Variants in MAP3K11 observed in about 807,000 individuals in gnomAD.
MAP3K11 encodes mitogen-activated protein kinase kinase kinase 11.
In MAP3K11, 46 loss-of-function variants were observed where a neutral mutation model predicts 84.9. The observed-to-expected ratio is 0.54, with a 90% CI of 0.43 to 0.69. MAP3K11 has a LOEUF of 0.69. MAP3K11 is among the 30% of genes least tolerant of loss of function. The probability of loss-of-function intolerance (pLI) is 0.00; values close to 1 mark genes in which losing one functional copy is unlikely to be tolerated. For missense variants in MAP3K11, 1,053 were observed against 1,198.3 expected, an observed-to-expected ratio of 0.88 and a Z score of 1.79; for synonymous variants, 527 against 514.7, an observed-to-expected ratio of 1.02 and a Z score of -0.32.
At chr11:65,607,071 A>T (rs1854517893) in intron 5 of MAP3K11, 199 bp downstream of exon 5, 3 of 798,314 alleles carry the variant, frequency 3.8e-6, no homozygotes, top group South Asian at 4.2e-5. Context: ...TCCCACTCCC[A>T]GACCGACATG....
At position 65,607,306 on chromosome 11, in the gene MAP3K11, C is replaced by A; in HGVS notation, c.1453G>T (p.Ala485Ser). 6.6e-7 allele frequency: 1 copy of A among 1,523,202 alleles called. No homozygotes were observed. Among genetic ancestry groups the A allele is most frequent in the Non-Finnish European group, 8.7e-7 (1 of 1,144,552 alleles). 94.4% of individuals were successfully genotyped at this position (1,523,202 alleles called of 1,614,324 possible). The change falls in exon 5 of 10, where the codon GCG becomes TCG. Residue 485 changes from alanine (A) to serine (S), a missense_variant. Around this residue, in one of 3 missense-constraint regions of MAP3K11, gnomAD observed 583 missense variants for 566.6 expected, o/e 1.03. Transcript: ENST00000309100. The stretch of plus-strand genomic sequence containing the variant: ...CTGATACGCTCGCCGCCGTCGCGCG[C>A]CCGGAGCTTGCTGCGCTTGAATGTC... ...RGTFKRSKLR[A>S]RDGGERISMP...
Position 65,608,432 on chromosome 11 carries a change from G to A in MAP3K11, c.756C>T (p.Pro252=), listed in dbSNP as rs1854538023. 6.2e-7 allele frequency: 1 copy of A among 1,614,024 alleles called. No individual in the cohort carries two copies. The highest frequency in any genetic ancestry group is 8.5e-7 in the Non-Finnish European group (1 of 1,180,018). Residue 252 remains proline, a synonymous_variant, in exon 2 of 10, where the codon CCC becomes CCT. Coordinates refer to ENST00000309100, the MANE Select transcript of MAP3K11 (RefSeq NM_002419.4). ...LKSNNILLLQ[P]IESDDMEHKT... ...TGTGCTCCATGTCGTCACTCTCAAT[G>A]GGCTGCAGCAGCAAAACTAGAGAAG...
intron 5 of MAP3K11, 180 bp downstream of exon 5, chr11:65,607,090 T>C (rs936205321): frequency 1.1e-6 from 1 of 911,520 alleles, no homozygotes; most frequent in African/African-American, 1.8e-5. Context: ...TGCAAATACT[T>C]CCGCCAGAAC....
At chr11:65,606,661 G>A in intron 6 of MAP3K11, 30 bp downstream of exon 6, 2 of 1,478,162 alleles carry the variant, frequency 1.4e-6, no homozygotes, top group Non-Finnish European at 1.9e-6. Flanking sequence ...CTGGGGGGCG[G>A]AGAGGGGCAT....
chr11:65,602,079 T>C (rs1854461972), intron 8 of MAP3K11, among the ~76,000 whole-genome samples: 1 of 151,186 alleles, frequency 6.6e-6, no homozygotes, highest in Non-Finnish European at 1.5e-5. Flanking sequence ...GGCACGCACC[T>C]GTAGTCTCAG....
At chr11:65,608,474 A>C (rs748274081) in intron 1 of MAP3K11, 26 bp from the exon 2 acceptor site, 2 of 1,611,456 alleles carry the variant, frequency 1.2e-6, no homozygotes, top group South Asian at 2.2e-5. Flanking sequence ...CAGATTGTGG[A>C]TGCTCCAGGA....
At chr11:65,612,696 T>C (rs1325141612) in intron 1 of MAP3K11, 1 of 268,848 alleles carries the variant, frequency 3.7e-6, no homozygotes, top group East Asian at 6.5e-5. Context: ...GAGCACGAGC[T>C]TCCAGAGGAC....
rs1175592890 is a variant in MAP3K11 at position 65,607,306 on chromosome 11, C to G, written c.1453G>C (p.Ala485Pro). The G allele has an allele frequency of 1.3e-6, 2 of 1,523,092 alleles. No homozygotes were observed. The highest frequency in any genetic ancestry group is 2.8e-5 in the African/African-American group (2 of 70,232). 94.3% of individuals were successfully genotyped at this position (1,523,092 alleles called of 1,614,324 possible). The change falls in exon 5 of 10, where the codon GCG (alanine) becomes CCG (proline). Residue 485 changes from alanine to proline, a missense_variant. This residue lies in a region of MAP3K11 where 583 missense variants were observed against 566.6 expected (regional missense o/e 1.03). Transcript: ENST00000309100. ...RGTFKRSKLR[A>P]RDGGERISMP... ...CTGATACGCTCGCCGCCGTCGCGCG[C>G]CCGGAGCTTGCTGCGCTTGAATGTC...
At chr11:65,600,921 A>G (rs1854448544) in intron 8 of MAP3K11, among the ~76,000 whole-genome samples, 1 of 152,218 alleles carries the variant, frequency 6.6e-6, no homozygotes, top group East Asian at 1.9e-4. Flanking sequence ...CCCTTCTGTC[A>G]GCCCCAACCC....
rs199933724 is a variant in MAP3K11, at chr11:65,613,693, C to T, written c.64G>A (p.Gly22Arg). 1.0e-4 allele frequency: 161 copies of T among 1,608,854 alleles called. 1 individual carries two copies. The highest frequency in any genetic ancestry group is 8.7e-4 in the South Asian group (79 of 90,634). The change falls in exon 1 of 10, where the codon GGG becomes AGG. Residue 22 changes from glycine (G) to arginine (R), a missense_variant. By Grantham distance (125) the Gly-to-Arg change is moderately radical. This residue lies in a region of MAP3K11 where 160 missense variants were observed against 167.3 expected (regional missense o/e 0.96). Coordinates refer to ENST00000309100, the MANE Select transcript of MAP3K11 (RefSeq NM_002419.4). Reference sequence around the variant, plus strand: ...CCTCCTCCACCGCCCCCACCACCCCCGCTGCCACTGCCATTCCATGACCCT... The same window carrying T: ...CCTCCTCCACCGCCCCCACCACCCCTGCTGCCACTGCCATTCCATGACCCT... ...PLGSWNGSGS[G>R]GGGGGGGGRP...
intron 8 of MAP3K11, among the ~76,000 whole-genome samples, chr11:65,602,803 TAA>T (rs554655454): frequency 2.1e-5 from 3 of 141,708 alleles, no homozygotes; most frequent in Non-Finnish European, 3.1e-5. Flanking sequence ...AGACTCCTTC[TAA>T]AAAAAAAAAA....
chr11:65,610,656 CCTT>C (rs747325171), intron 1 of MAP3K11: 6 of 152,280 alleles, frequency 3.9e-5, no homozygotes, highest in Non-Finnish European at 7.3e-5. Context: ...CCCACCTTCC[CCTT>C]TGAAGACCAA....
At position 65,598,181 on chromosome 11, in the gene MAP3K11, G is replaced by A; in HGVS notation, c.*110C>T. On this transcript the variant is annotated 3_prime_UTR_variant, in exon 10 of 10. Transcript: ENST00000309100. ...TGTTCCTGACCCCCAAAGGGGGGTG[G>A]GGTCCCTGGGGAAACTGAGGCAGCT... is the stretch of plus-strand genomic sequence containing the variant. The A allele has an allele frequency of 1.1e-6, 1 of 924,700 alleles. No individual in the cohort carries two copies. The highest frequency in any genetic ancestry group is 3.6e-5 in the Admixed American group (1 of 27,718). 57.3% of individuals were successfully genotyped at this position (924,700 alleles called of 1,614,324 possible).
At chr11:65,606,650 GC>G in intron 6 of MAP3K11, 40 bp downstream of exon 6, 1 of 1,410,972 alleles carries the variant, frequency 7.1e-7, no homozygotes, top group Non-Finnish European at 9.8e-7. Context: ...AGAATAAGGA[GC>G]TGGGGGGCGG....
At chr11:65,607,231 C>T in intron 5 of MAP3K11, 39 bp downstream of exon 5, 1 of 1,449,098 alleles carries the variant, frequency 6.9e-7, no homozygotes, top group Non-Finnish European at 9.0e-7. Context: ...CCCACCCCCG[C>T]AGCCAATGGC....
At chr11:65,603,670 C>T (rs1407248921) in intron 8 of MAP3K11, among the ~76,000 whole-genome samples, 1 of 152,210 alleles carries the variant, frequency 6.6e-6, no homozygotes, top group East Asian at 1.9e-4. Context: ...CTTTCATGGA[C>T]CCAGATGATG....
At chr11:65,598,655 G>T in intron 9 of MAP3K11, 27 bp from the exon 10 acceptor site, 1 of 1,444,670 alleles carries the variant, frequency 6.9e-7, no homozygotes, top group Non-Finnish European at 9.2e-7. Flanking sequence ...GGGGCACAGG[G>T]TCAAGCAACC....
Position 65,599,375 on chromosome 11 carries a change from C to T in MAP3K11, c.2206+19G>A. The T allele has an allele frequency of 1.3e-6, 2 of 1,534,914 alleles. No individual in the cohort carries two copies. The highest frequency in any genetic ancestry group is 1.7e-6 in the Non-Finnish European group (2 of 1,150,826). ...CCCCGTCTCCCATATGTGAAGCAGG[C>T]CGGCTTCAGGCCACTCACCGCGGGG... On this transcript the variant is annotated intron_variant, in intron 9 of 9. Coordinates refer to ENST00000309100, the MANE Select transcript of MAP3K11 (RefSeq NM_002419.4).
At chr11:65,601,165 C>T (rs1590853956) in intron 8 of MAP3K11, among the ~76,000 whole-genome samples, 1 of 152,336 alleles carries the variant, frequency 6.6e-6, no homozygotes, top group Non-Finnish European at 1.5e-5. Context: ...CAACTCTTCT[C>T]GGAGTTCAGC....
Sources: allele counts gnomAD v4.1 joint callset (sites outside exome capture counted in the v4.1 genomes callset), GRCh38; gene constraint gnomAD v4.1.1; regional missense constraint gnomAD v4.1.1; transcripts MANE v1.5; gene names NCBI Gene and HGNC (gene_info 2026-07-23, HGNC 2026-07-21).